Variants in PCDH15 observed in about 807,000 individuals in gnomAD.
PCDH15 encodes protocadherin-15.
Under a neutral mutation model 178.5 loss-of-function variants are expected in PCDH15, and 129 were observed. The ratio of observed to expected loss-of-function variants is 0.72; its 90% confidence interval spans 0.63 to 0.84. PCDH15 has a LOEUF of 0.84. PCDH15 is among the 40% of genes least tolerant of loss of function. The pLI is 0.00. For missense variants in PCDH15, 2,230 were observed against 2,099.9 expected (o/e 1.06, Z -1.21); for synonymous variants, 800 against 732.0 (o/e 1.09, Z -1.50).
Position 55,014,985 on chromosome 10 carries a change from C to T in PCDH15, c.-79-117485G>A, listed in dbSNP as rs533393735. Reference sequence around the variant, plus strand: ...CCCGTAATCTCAGCACTTTGGGAGGCCGAGGCGGGCAGATCACTTGAGGTC... The same window carrying T: ...CCCGTAATCTCAGCACTTTGGGAGGTCGAGGCGGGCAGATCACTTGAGGTC... On this transcript the variant is annotated intron_variant, in intron 2 of 5. Coordinates refer to the PCDH15 transcript ENST00000458638. 4.6e-5 allele frequency among the ~76,000 whole-genome samples: 7 copies of T among 152,136 alleles called. No homozygotes were observed. The East Asian group carries it at 1.4e-3, about 29-fold the overall frequency.
chr10:54,315,970 TG>T (rs1182141263), intron 8 of PCDH15, among the ~76,000 whole-genome samples: 1 of 98,924 alleles, frequency 1.0e-5, no homozygotes, highest in Non-Finnish European at 2.3e-5. Flanking sequence ...TTTTGTTTTT[TG>T]GGTTTTGTTT....
chr10:55,183,274 T>A (rs1299938633), intron 1 of PCDH15, among the ~76,000 whole-genome samples: 1 of 151,972 alleles, frequency 6.6e-6, no homozygotes, highest in Admixed American at 6.6e-5. Context: ...GGGATAGTAA[T>A]ATCACCATCA....
intron 8 of PCDH15, among the ~76,000 whole-genome samples, chr10:54,265,305 G>A (rs867388787): frequency 1.3e-5 from 2 of 152,036 alleles, no homozygotes; most frequent in African/African-American, 4.8e-5. Context: ...CAAAAGCAGA[G>A]TTAAGTACAT....
intron 3 of PCDH15, among the ~76,000 whole-genome samples, chr10:54,418,397 G>C (rs868758649): frequency 2.6e-5 from 4 of 151,946 alleles, no homozygotes; most frequent in South Asian, 4.2e-4. Flanking sequence ...ACAAAGATTT[G>C]CCAGTATTCA....
intron 1 of PCDH15, among the ~76,000 whole-genome samples, chr10:55,269,732 T>C (rs575101393): frequency 1.3e-5 from 2 of 152,190 alleles, no homozygotes; most frequent in African/African-American, 4.8e-5. Flanking sequence ...GATTCAATGC[T>C]ATTCCTATCA....
chr10:55,589,147 TG>T (rs1842786481), intron 2 of PCDH15, among the ~76,000 whole-genome samples: 1 of 151,142 alleles, frequency 6.6e-6, no homozygotes, highest in Non-Finnish European at 1.5e-5. Context: ...ATGTCCTGAA[TG>T]GTAATGCCTA....
rs148678778 is a variant in PCDH15 at position 53,807,367 on chromosome 10, C to G, written c.4672-237G>C. Among the ~76,000 whole-genome samples, 35 of 152,166 alleles carry G rather than the reference C, an allele frequency of 2.3e-4. No homozygotes were observed. The East Asian group carries it at 6.8e-3, about 29-fold the overall frequency. ...ATGTATTGTTGAGTTGGAAAGCAGA[C>G]ATTTCAGGAAACACATGTATTCTTT... On this transcript the variant is annotated intron_variant, in intron 37 of 37. Coordinates refer to ENST00000644397, the MANE Select transcript of PCDH15 (RefSeq NM_001384140.1).
chr10:54,108,517 C>A (rs757080576), intron 15 of PCDH15, among the ~76,000 whole-genome samples: 4 of 152,164 alleles, frequency 2.6e-5, no homozygotes, highest in Non-Finnish European at 5.9e-5. Flanking sequence ...CCACCACAGG[C>A]TAAAGGGCTC....
intron 17 of PCDH15, among the ~76,000 whole-genome samples, chr10:54,073,277 T>C (rs2094281515): frequency 6.6e-6 from 1 of 151,172 alleles, no homozygotes; most frequent in African/African-American, 2.4e-5. Context: ...TTTATATATT[T>C]GTACATAAAC....
chr10:54,732,177 T>C (rs1418497888), intron 1 of PCDH15, among the ~76,000 whole-genome samples: 2 of 151,246 alleles, frequency 1.3e-5, no homozygotes, highest in Non-Finnish European at 3.0e-5. Context: ...ACAGAGAGCA[T>C]GGAATGAGAA....
intron 1 of PCDH15, among the ~76,000 whole-genome samples, chr10:54,719,639 C>T (rs921053697): frequency 3.3e-5 from 5 of 152,022 alleles, no homozygotes; most frequent in East Asian, 1.9e-4. Flanking sequence ...TTAAGCCCCA[C>T]ATGCATTAGC....
intron 13 of PCDH15, among the ~76,000 whole-genome samples, chr10:54,165,929 C>G (rs1278533020): frequency 6.6e-6 from 1 of 151,984 alleles, no homozygotes; most frequent in African/African-American, 2.4e-5. Flanking sequence ...AGAGAGAAAC[C>G]TATCTTTAAA....
At chr10:54,633,765 T>C (rs77894644) in intron 2 of PCDH15, among the ~76,000 whole-genome samples, 2,518 of 152,220 alleles carry the variant, frequency 0.017, 38 homozygotes, top group East Asian at 0.07. Flanking sequence ...GTAAATCAAT[T>C]ACGCCCCAAC....
At chr10:54,857,468 C>G (rs940276381) in intron 3 of PCDH15, among the ~76,000 whole-genome samples, 5 of 151,982 alleles carry the variant, frequency 3.3e-5, no homozygotes, top group Non-Finnish European at 7.4e-5. Flanking sequence ...TTTTGACATA[C>G]AAGGTCTAAC....
intron 2 of PCDH15, among the ~76,000 whole-genome samples, chr10:54,991,201 T>C (rs1452507270): frequency 1.3e-5 from 2 of 152,156 alleles, no homozygotes; most frequent in Non-Finnish European, 2.9e-5. Flanking sequence ...CACTGTCTTT[T>C]TAAGAATGCT....
At chr10:54,152,144 C>A (rs7100868) in intron 14 of PCDH15, among the ~76,000 whole-genome samples, 10,828 of 152,174 alleles carry the variant, frequency 0.071, 916 homozygotes, top group African/African-American at 0.2. Flanking sequence ...CTACTGTGTA[C>A]TAAGATACAT....
At chr10:54,616,323 T>G (rs966080959) in intron 2 of PCDH15, among the ~76,000 whole-genome samples, 4 of 152,082 alleles carry the variant, frequency 2.6e-5, no homozygotes, top group African/African-American at 9.7e-5. Flanking sequence ...AGATTTTCTA[T>G]GGAAAATTAG....
rs1429497765 is a variant in PCDH15, at chr10:54,191,178, TC to T, written c.1305+4504del. The stretch of plus-strand genomic sequence containing the variant: ...AAGTGCTGGAAACTGTGTTAGTTCT[TC>T]AGCATACAAAAGTTGCTAAGATATA... On this transcript the variant is annotated intron_variant, in intron 11 of 37. Transcript: ENST00000644397. Among the ~76,000 whole-genome samples, 4 of 152,304 alleles carry T rather than the reference TC, an allele frequency of 2.6e-5. No individual in the cohort carries two copies. In the East Asian group the frequency reaches 7.7e-4, roughly 29 times the overall value.
chr10:54,985,692 G>A (rs1308723022), intron 2 of PCDH15, among the ~76,000 whole-genome samples: 1 of 152,078 alleles, frequency 6.6e-6, no homozygotes, highest in African/African-American at 2.4e-5. Flanking sequence ...TTGCTAGCCT[G>A]GGAATAGAGA....
Sources: allele counts gnomAD v4.1 joint callset (sites outside exome capture counted in the v4.1 genomes callset), GRCh38; gene constraint gnomAD v4.1.1; transcripts MANE v1.5; gene names NCBI Gene and HGNC (gene_info 2026-07-23, HGNC 2026-07-21).